The following STPG4 variants were observed in gnomAD, a reference collection of about 807,000 sequenced individuals.
STPG4 encodes the protein sperm-tail PG-rich repeat containing 4, also known as protein STPG4.
Under a neutral mutation model 31.5 loss-of-function variants are expected in STPG4, and 41 were observed. That is an observed-to-expected ratio of 1.30 (90% confidence interval 1.01 to 1.69). STPG4 has a LOEUF of 1.69. STPG4 is among the 40% of genes most tolerant of loss of function. STPG4 has a pLI of 0.00. For synonymous variants in STPG4, 141 were observed against 103.0 expected, an observed-to-expected ratio of 1.37 and a Z score of -2.24; for missense variants, 375 against 293.4, an observed-to-expected ratio of 1.28 and a Z score of -2.03.
At chr2:47,117,284 A>G (rs955826708) in intron 5 of STPG4, among the ~76,000 whole-genome samples, 1 of 152,112 alleles carries the variant, frequency 6.6e-6, no homozygotes, top group Non-Finnish European at 1.5e-5. Flanking sequence ...ATCTCAGCTC[A>G]CTGCAACCTC....
At chr2:47,112,806 C>T (rs1260493247) in intron 5 of STPG4, among the ~76,000 whole-genome samples, 1 of 151,808 alleles carries the variant, frequency 6.6e-6, no homozygotes, top group East Asian at 1.9e-4. Context: ...TCAAAAGTAC[C>T]AGCCTGGGCA....
At chr2:47,118,617 G>T (rs1686199189) in intron 5 of STPG4, among the ~76,000 whole-genome samples, 1 of 152,174 alleles carries the variant, frequency 6.6e-6, no homozygotes, top group African/African-American at 2.4e-5. Flanking sequence ...GCACTAAGTG[G>T]TAAGACAGCT....
chr2:47,104,032 C>T (rs1181074487), intron 5 of STPG4, among the ~76,000 whole-genome samples: 1 of 151,934 alleles, frequency 6.6e-6, no homozygotes, highest in Non-Finnish European at 1.5e-5. Context: ...TCTTGTTATG[C>T]CTGAAAGTCC....
chr2:47,116,961 C>T (rs534158524), intron 5 of STPG4, among the ~76,000 whole-genome samples: 1 of 152,188 alleles, frequency 6.6e-6, no homozygotes, highest in Non-Finnish European at 1.5e-5. Flanking sequence ...TAATGAATAC[C>T]TTATGGAAAG....
chr2:47,117,702 A>G (rs1315989480), intron 5 of STPG4, among the ~76,000 whole-genome samples: 1 of 152,242 alleles, frequency 6.6e-6, no homozygotes, highest in African/African-American at 2.4e-5. Flanking sequence ...AAGCACAAAG[A>G]GAGCATTGAT....
chr2:47,111,406 G>A (rs983069744), intron 5 of STPG4, among the ~76,000 whole-genome samples: 7 of 152,182 alleles, frequency 4.6e-5, no homozygotes, highest in African/African-American at 1.7e-4. Flanking sequence ...GTTTTAAGGT[G>A]GATCAAGAGA....
intron 3 of STPG4, among the ~76,000 whole-genome samples, chr2:47,149,250 G>GGA (rs1686890754): frequency 6.6e-6 from 1 of 152,204 alleles, no homozygotes; most frequent in Non-Finnish European, 1.5e-5. Context: ...TTCCGAGTAA[G>GGA]CCTAATTCTT....
intron 5 of STPG4, 97 bp downstream of exon 5, chr2:47,129,844 T>C: frequency 6.7e-7 from 1 of 1,487,318 alleles, no homozygotes; most frequent in Non-Finnish European, 9.1e-7. Flanking sequence ...GAACGATCAC[T>C]GGAGGGTTCT....
chr2:47,135,310 T>A (rs982183711), intron 3 of STPG4, among the ~76,000 whole-genome samples: 1 of 152,182 alleles, frequency 6.6e-6, no homozygotes, highest in Non-Finnish European at 1.5e-5. Context: ...AGTCTTGCTT[T>A]TTACATTTAA....
chr2:47,121,603 A>G (rs2103768903), intron 5 of STPG4, among the ~76,000 whole-genome samples: 1 of 152,342 alleles, frequency 6.6e-6, no homozygotes, highest in South Asian at 2.1e-4. Flanking sequence ...TATGACTGCT[A>G]TAACAAATTA....
chr2:47,101,358 G>A (rs1685795868), intron 5 of STPG4, among the ~76,000 whole-genome samples: 1 of 151,640 alleles, frequency 6.6e-6, no homozygotes, highest in Non-Finnish European at 1.5e-5. Context: ...CAGCTCCAGG[G>A]TCCCGACAAC....
intron 6 of STPG4, 92 bp downstream of exon 6, chr2:47,090,178 C>T (rs1447736525): frequency 1.2e-6 from 1 of 820,856 alleles, no homozygotes; most frequent in Non-Finnish European, 2.0e-6. Context: ...CTCACCACCA[C>T]CCCGCACCTC....
At chr2:47,148,541 A>G (rs1263158777) in intron 3 of STPG4, among the ~76,000 whole-genome samples, 1 of 152,042 alleles carries the variant, frequency 6.6e-6, no homozygotes, top group East Asian at 1.9e-4. Flanking sequence ...ATTTATTTAT[A>G]TTATTATACT....
intron 1 of STPG4, 108 bp downstream of exon 1, chr2:47,155,063 A>T: frequency 1.0e-6 from 1 of 982,514 alleles, no homozygotes; most frequent in Non-Finnish European, 1.6e-6. Context: ...GGGTAGGAAG[A>T]GGGAACGAGA....
chr2:47,119,329 A>G (rs1686215267), intron 5 of STPG4, among the ~76,000 whole-genome samples: 1 of 152,228 alleles, frequency 6.6e-6, no homozygotes, highest in Non-Finnish European at 1.5e-5. Flanking sequence ...ACTTTTATTT[A>G]TAAAATGGAA....
At chr2:47,152,197 C>T (rs908728998) in intron 2 of STPG4, among the ~76,000 whole-genome samples, 10 of 45,316 alleles carry the variant, frequency 2.2e-4, no homozygotes, top group African/African-American at 4.7e-4. Flanking sequence ...ATCTGCTTAG[C>T]CAATGTAGGA....
chr2:47,090,862 T>C (rs1462992685), intron 5 of STPG4, among the ~76,000 whole-genome samples: 5 of 151,532 alleles, frequency 3.3e-5, no homozygotes, highest in Admixed American at 3.3e-4. Context: ...CACAATGCTA[T>C]GAGATAAACA....
intron 6 of STPG4, among the ~76,000 whole-genome samples, chr2:47,088,750 G>A (rs1406819375): frequency 1.3e-5 from 2 of 152,188 alleles, no homozygotes; most frequent in East Asian, 1.9e-4. Context: ...TGCAGAAACC[G>A]CTTTAAATGA....
intron 5 of STPG4, among the ~76,000 whole-genome samples, chr2:47,125,102 A>T (rs1388275798): frequency 6.6e-6 from 1 of 152,108 alleles, no homozygotes; most frequent in Non-Finnish European, 1.5e-5. Flanking sequence ...TCTTTTGCCT[A>T]TTTTTTAAAC....
Sources: allele counts gnomAD v4.1 joint callset (sites outside exome capture counted in the v4.1 genomes callset), GRCh38; gene constraint gnomAD v4.1.1; transcripts MANE v1.5; gene names NCBI Gene and HGNC (gene_info 2026-07-23, HGNC 2026-07-21).